MOK: variants seen among roughly 807,000 people sequenced by gnomAD.
MOK encodes MOK protein kinase.
A neutral mutation model predicts 54.2 loss-of-function variants in MOK; 59 were observed. The observed-to-expected ratio is 1.09, with a 90% CI of 0.88 to 1.35. MOK has a LOEUF of 1.35. Among genes scored for constraint, MOK ranks in the 40% most tolerant of loss-of-function variants. The pLI is 0.00. For missense variants in MOK, 517 were observed against 526.2 expected, an observed-to-expected ratio of 0.98 and a Z score of 0.17; for synonymous variants, 210 against 202.7, an observed-to-expected ratio of 1.04 and a Z score of -0.31.
chr14:102,298,594 C>A (rs1245726660), intron 1 of MOK, among the ~76,000 whole-genome samples: 2 of 152,124 alleles, frequency 1.3e-5, no homozygotes, highest in Non-Finnish European at 2.9e-5. Context: ...TCAAAACGGA[C>A]CAATCAGCTC....
intron 2 of MOK, among the ~76,000 whole-genome samples, chr14:102,274,467 G>T (rs1410472748): frequency 6.6e-6 from 1 of 151,192 alleles, no homozygotes; most frequent in Non-Finnish European, 1.5e-5. Flanking sequence ...TGTTGTTCAG[G>T]CTGGTCTTGA....
At chr14:102,282,590 C>A (rs943328422) in intron 2 of MOK, among the ~76,000 whole-genome samples, 2 of 151,542 alleles carry the variant, frequency 1.3e-5, no homozygotes, top group South Asian at 4.2e-4. Context: ...CAAAAATTAG[C>A]CAGGCGTGTG....
chr14:102,258,558 G>A (rs2067150587), intron 4 of MOK, among the ~76,000 whole-genome samples: 2 of 152,260 alleles, frequency 1.3e-5, no homozygotes, highest in Middle Eastern at 3.4e-3. Context: ...TCCCCACCAT[G>A]TCCCTGCCTC....
intron 7 of MOK, chr14:102,246,261 A>G (rs746682735): frequency 1.3e-5 from 2 of 151,784 alleles, no homozygotes; most frequent in Non-Finnish European, 2.9e-5. Flanking sequence ...CTCTCACAAG[A>G]TATTTCCTGG....
intron 1 of MOK, among the ~76,000 whole-genome samples, chr14:102,294,012 G>A (rs1244486235): frequency 2.0e-5 from 3 of 151,692 alleles, no homozygotes; most frequent in African/African-American, 7.3e-5. Context: ...AAAGATCACG[G>A]GAAGGGGCCA....
intron 1 of MOK, among the ~76,000 whole-genome samples, chr14:102,294,703 A>G (rs138587128): frequency 6.6e-6 from 1 of 152,304 alleles, no homozygotes; most frequent in Non-Finnish European, 1.5e-5. Flanking sequence ...TTCAGATTTA[A>G]GAGAAGAGGG....
chr14:102,231,582 T>G lies in MOK; in HGVS notation c.981+125A>C. ...CATCAACTCGCATGCTGTTCAGGCC[T>G]CGACTGACAATGTGGTCTGCCACAG... On this transcript the variant is annotated intron_variant, in intron 10 of 11. Coordinates refer to ENST00000361847, the MANE Select transcript of MOK (RefSeq NM_014226.3). The surrounding 1 kb of genome is among the most constrained non-coding windows in gnomAD (Gnocchi z 4.4). The G allele has an allele frequency of 1.3e-6, 1 of 782,690 alleles. No homozygotes were observed. Among genetic ancestry groups the G allele is most frequent in the South Asian group, 1.6e-5 (1 of 60,694 alleles). 48.5% of individuals were successfully genotyped at this position (782,690 alleles called of 1,614,324 possible).
At chr14:102,289,913 A>C (rs2070567263) in intron 1 of MOK, among the ~76,000 whole-genome samples, 1 of 152,226 alleles carries the variant, frequency 6.6e-6, no homozygotes, top group Non-Finnish European at 1.5e-5. Flanking sequence ...TCTCTTAATA[A>C]GAACTAAAGG....
At chr14:102,250,681 A>T in intron 7 of MOK, 131 bp downstream of exon 7, 1 of 967,004 alleles carries the variant, frequency 1.0e-6, no homozygotes, top group Non-Finnish European at 1.5e-6. Context: ...ATTTTCTGTT[A>T]AATTAAAAAC....
At chr14:102,266,388 T>G (rs2153139289) in intron 2 of MOK, among the ~76,000 whole-genome samples, 1 of 149,928 alleles carries the variant, frequency 6.7e-6, no homozygotes, top group East Asian at 2.0e-4. Flanking sequence ...CACTGAAGCC[T>G]CAACCTTCCA....
At chr14:102,226,127 C>CT, downstream of MOK, 1 of 589,100 alleles carries the variant, frequency 1.7e-6, no homozygotes, top group Non-Finnish European at 3.0e-6. The surrounding 1 kb of genome is among the most constrained non-coding windows in gnomAD (Gnocchi z 4.8). Flanking sequence ...ACGTGCACGT[C>CT]TGAGTGCCAG....
the MOK span, among the ~76,000 whole-genome samples, chr14:102,218,154 G>T: frequency 2.0e-5 from 3 of 152,240 alleles, no homozygotes; most frequent in African/African-American, 7.2e-5. Flanking sequence ...GCCATGAAAC[G>T]GGTCCCAGGG....
intron 8 of MOK, chr14:102,233,192 GTGGGGGCCGC>G (rs2064895369): frequency 6.4e-6 from 1 of 155,890 alleles, no homozygotes; most frequent in Non-Finnish European, 1.4e-5. Context: ...TCCCTGGGAT[GTGGGGGCCGC>G]TGGGTGCTAC....
downstream of MOK, chr14:102,226,102 G>A (rs1021655950): frequency 3.5e-5 from 20 of 566,954 alleles, no homozygotes; most frequent in Admixed American, 6.6e-5. This position sits in a 1 kb window ranked among gnomAD's most constrained non-coding sequence, Gnocchi z 4.8. Context: ...CACTGCTGCC[G>A]CCTGTCACAC....
At chr14:102,263,308 T>G (rs2067625707) in intron 4 of MOK, among the ~76,000 whole-genome samples, 1 of 152,232 alleles carries the variant, frequency 6.6e-6, no homozygotes, top group Admixed American at 6.5e-5. Flanking sequence ...CTCCCGCCAC[T>G]CTCCCCCAGA....
chr14:102,256,447 G>A (rs1214047581), intron 4 of MOK, among the ~76,000 whole-genome samples: 1 of 151,734 alleles, frequency 6.6e-6, no homozygotes, highest in African/African-American at 2.4e-5. Flanking sequence ...GGTGGCGGGT[G>A]TCTGTAGTCC....
rs567223050 is a variant in MOK at position 102,232,569 on chromosome 14, G to A, written c.832C>T (p.Gln278Ter). 14 of 1,614,034 alleles carry A rather than the reference G, an allele frequency of 8.7e-6. No homozygotes were observed. The South Asian group carries it at 1.3e-4, about 15-fold the overall frequency. Residue 278 changes from glutamine to a stop codon, truncating the protein, a stop_gained, in exon 9 of 12, where the codon CAG becomes TAG. Transcript: ENST00000361847. LOFTEE classifies it high-confidence loss of function. The surrounding 1 kb of genome is among the most constrained non-coding windows in gnomAD (Gnocchi z 5.1). Reference protein sequence around the residue: ...YDPDERIAAHQALQHPYFQEQ... With the variant: ...YDPDERIAAH Reference sequence around the variant, plus strand: ...TGGAAGTAGGGGTGCTGCAGGGCCTGGTGGGCGGCGATTCTCTCATCGGGA... The same window carrying A: ...TGGAAGTAGGGGTGCTGCAGGGCCTAGTGGGCGGCGATTCTCTCATCGGGA...
intron 7 of MOK, among the ~76,000 whole-genome samples, chr14:102,247,643 T>C (rs967057951): frequency 6.6e-6 from 1 of 152,092 alleles, no homozygotes; most frequent in African/African-American, 2.4e-5. Flanking sequence ...ATCACAACTC[T>C]CCAATCACAA....
At chr14:102,286,469 G>A (rs1291172046) in intron 1 of MOK, among the ~76,000 whole-genome samples, 1 of 151,728 alleles carries the variant, frequency 6.6e-6, no homozygotes, top group Admixed American at 6.6e-5. Context: ...TAATTAGCCA[G>A]ACTCAATGGC....
Sources: allele counts gnomAD v4.1 joint callset (sites outside exome capture counted in the v4.1 genomes callset), GRCh38; gene constraint gnomAD v4.1.1; non-coding constraint Gnocchi (gnomAD v3.1); transcripts MANE v1.5; gene names NCBI Gene and HGNC (gene_info 2026-07-23, HGNC 2026-07-21).